Variants in LHFPL6 observed in about 807,000 individuals in gnomAD.
The protein encoded by LHFPL6 is LHFPL tetraspan subfamily member 6 protein.
Under a neutral mutation model 20.6 loss-of-function variants are expected in LHFPL6, and 9 were observed. That is an observed-to-expected ratio of 0.44 (90% CI 0.26 to 0.76). The LOEUF is 0.76. LHFPL6 is among the 30% of genes least tolerant of loss of function. The pLI is 0.20. For synonymous variants in LHFPL6, 105 were observed against 98.7 expected (o/e 1.06, Z -0.38); for missense variants, 218 against 253.5 (o/e 0.86, Z 0.95).
intron 2 of LHFPL6, among the ~76,000 whole-genome samples, chr13:39,486,503 G>T (rs1868730279): frequency 6.6e-6 from 1 of 152,196 alleles, no homozygotes; most frequent in Non-Finnish European, 1.5e-5. Context: ...TGAAATATTT[G>T]AGGCAAATAG....
At chr13:39,587,832 C>G (rs1439569273) in intron 2 of LHFPL6, among the ~76,000 whole-genome samples, 3 of 151,926 alleles carry the variant, frequency 2.0e-5, no homozygotes, top group African/African-American at 4.8e-5. Context: ...GGCTTCCTGA[C>G]TAGGGTAGGA....
At chr13:39,500,179 T>C (rs1214128165) in intron 2 of LHFPL6, among the ~76,000 whole-genome samples, 1 of 152,004 alleles carries the variant, frequency 6.6e-6, no homozygotes, top group Non-Finnish European at 1.5e-5. Context: ...TTTTTTATTT[T>C]ATTGGGGTTG....
At chr13:39,492,312 T>C in intron 2 of LHFPL6, among the ~76,000 whole-genome samples, 1 of 152,216 alleles carries the variant, frequency 6.6e-6, no homozygotes, top group East Asian at 1.9e-4. Context: ...GGCTGAATGA[T>C]TAGCATTCAC....
chr13:39,528,326 A>G (rs1170216928), intron 2 of LHFPL6, among the ~76,000 whole-genome samples: 1 of 152,202 alleles, frequency 6.6e-6, no homozygotes. Context: ...TCTGACTGAA[A>G]AAAAACTAGA....
At chr13:39,566,478 C>G (rs9576866) in intron 2 of LHFPL6, among the ~76,000 whole-genome samples, 21,035 of 151,982 alleles carry the variant, frequency 0.14, 1,752 homozygotes, top group East Asian at 0.34. Context: ...CTGTGGCTCT[C>G]ACCTGTAATC....
rs184225131 is a variant in LHFPL6 at position 39,539,112 on chromosome 13, G to A, written c.385+61720C>T. Among the ~76,000 whole-genome samples the A allele has an allele frequency of 2.0e-5, 3 of 152,104 alleles. No homozygotes were observed. The East Asian group carries it at 5.8e-4, about 29-fold the overall frequency. Reference sequence around the variant, plus strand: ...GGCCATAGTTTTCCCACCCCTAATCGGCCCTTTCAATTAAAAAATAGAAGC... The same window carrying A: ...GGCCATAGTTTTCCCACCCCTAATCAGCCCTTTCAATTAAAAAATAGAAGC... On this transcript the variant is annotated intron_variant, in intron 2 of 3. Coordinates refer to ENST00000379589, the MANE Select transcript of LHFPL6 (RefSeq NM_005780.3).
intron 2 of LHFPL6, among the ~76,000 whole-genome samples, chr13:39,507,414 A>G (rs1368802918): frequency 6.6e-6 from 1 of 152,166 alleles, no homozygotes; most frequent in African/African-American, 2.4e-5. Context: ...TTCTCTCTAC[A>G]TCACATCCAC....
chr13:39,562,953 T>C (rs1228202954), intron 2 of LHFPL6, among the ~76,000 whole-genome samples: 1 of 151,780 alleles, frequency 6.6e-6, no homozygotes, highest in Non-Finnish European at 1.5e-5. Context: ...AGAGGGGAAA[T>C]AGAGGGTATT....
intron 2 of LHFPL6, among the ~76,000 whole-genome samples, chr13:39,409,541 G>A (rs1160801654): frequency 2.0e-5 from 3 of 152,182 alleles, no homozygotes; most frequent in Non-Finnish European, 2.9e-5. Flanking sequence ...ATTATTTGTT[G>A]TCACAGTGTT....
intron 2 of LHFPL6, among the ~76,000 whole-genome samples, chr13:39,598,329 A>G (rs1402411738): frequency 6.6e-6 from 1 of 151,682 alleles, no homozygotes; most frequent in African/African-American, 2.4e-5. Context: ...AGTAACAGTG[A>G]TAAACAGCAG....
chr13:39,574,452 C>A (rs1872045927), intron 2 of LHFPL6, among the ~76,000 whole-genome samples: 1 of 144,202 alleles, frequency 6.9e-6, no homozygotes, highest in African/African-American at 2.6e-5. Flanking sequence ...CACTGCACTC[C>A]AGCCTGGGTG....
chr13:39,577,574 G>A (rs539410021), intron 2 of LHFPL6, among the ~76,000 whole-genome samples: 2 of 152,228 alleles, frequency 1.3e-5, no homozygotes, highest in African/African-American at 2.4e-5. Flanking sequence ...TGGTGTGATG[G>A]TCTTAATGAA....
At chr13:39,578,854 AGAG>A (rs1052032190) in intron 2 of LHFPL6, among the ~76,000 whole-genome samples, 34 of 152,312 alleles carry the variant, frequency 2.2e-4, no homozygotes, top group African/African-American at 7.9e-4. Context: ...CTGGGCAATC[AGAG>A]GAGACTTCAT....
At chr13:39,532,210 A>T (rs1311902848) in intron 2 of LHFPL6, among the ~76,000 whole-genome samples, 1 of 152,096 alleles carries the variant, frequency 6.6e-6, no homozygotes, top group Non-Finnish European at 1.5e-5. Flanking sequence ...AAAGAACAAC[A>T]CTAATCCTAC....
At chr13:39,417,208 C>A (rs1227670664) in intron 2 of LHFPL6, among the ~76,000 whole-genome samples, 1 of 152,094 alleles carries the variant, frequency 6.6e-6, no homozygotes, top group Non-Finnish European at 1.5e-5. Context: ...TGGACTCTAC[C>A]AAAAAGACTA....
intron 2 of LHFPL6, among the ~76,000 whole-genome samples, chr13:39,509,674 A>G (rs1297803326): frequency 1.3e-5 from 2 of 152,302 alleles, no homozygotes; most frequent in Admixed American, 6.5e-5. Flanking sequence ...TAAAATAAAG[A>G]TGGGGCCAGG....
At chr13:39,551,133 T>C (rs141542654) in intron 2 of LHFPL6, among the ~76,000 whole-genome samples, 5 of 152,270 alleles carry the variant, frequency 3.3e-5, no homozygotes, top group Admixed American at 3.3e-4. Context: ...TTTGTCTTAG[T>C]CCATTTTCTG....
intron 2 of LHFPL6, among the ~76,000 whole-genome samples, chr13:39,559,180 G>C (rs1170775514): frequency 1.3e-5 from 2 of 152,190 alleles, no homozygotes; most frequent in Admixed American, 1.3e-4. Context: ...GCCAAGGGAG[G>C]ACTCAGTGCC....
At chr13:39,588,885 A>G (rs1296507011) in intron 2 of LHFPL6, among the ~76,000 whole-genome samples, 1 of 152,248 alleles carries the variant, frequency 6.6e-6, no homozygotes, top group East Asian at 1.9e-4. Context: ...CTATTTGAAG[A>G]GATAAGAAAA....
Sources: gnomAD v4.1 joint callset for allele counts (sites outside exome capture counted in the v4.1 genomes callset) on GRCh38, gnomAD v4.1.1 for gene constraint, MANE v1.5 for transcripts, NCBI Gene and HGNC (gene_info 2026-07-23, HGNC 2026-07-21) for gene names.